HSPA4: variants seen among roughly 807,000 people sequenced by gnomAD.
The protein encoded by HSPA4 is heat shock 70 kDa protein 4.
Under a neutral mutation model 106.2 loss-of-function variants are expected in HSPA4, and 25 were observed. The ratio of observed to expected loss-of-function variants is 0.24; its 90% CI spans 0.17 to 0.33. HSPA4 has a LOEUF of 0.33. HSPA4 is among the 10% of genes least tolerant of loss of function. The pLI is 1.00. For synonymous variants in HSPA4, 332 were observed against 333.6 expected (o/e 1.00, Z 0.05); for missense variants, 841 against 996.0 (o/e 0.84, Z 2.10).
chr5:133,075,884 A>G (rs73264425), intron 6 of HSPA4, among the ~76,000 whole-genome samples: 3,455 of 152,296 alleles, frequency 0.023, 131 homozygotes, highest in African/African-American at 0.075. Context: ...CATTCTTAAC[A>G]GCTTGATGTA....
chr5:133,086,348 T>C (rs973406931), intron 7 of HSPA4, among the ~76,000 whole-genome samples: 4 of 152,254 alleles, frequency 2.6e-5, no homozygotes, highest in Non-Finnish European at 5.9e-5. Flanking sequence ...CACATAAATT[T>C]TTGTTCTTGT....
intron 15 of HSPA4, among the ~76,000 whole-genome samples, chr5:133,097,541 TTTC>T (rs939996973): frequency 6.5e-5 from 9 of 139,086 alleles, no homozygotes; most frequent in African/African-American, 2.7e-4. Context: ...GTATCTTTCT[TTTC>T]TTTTCTTTTT....
rs1225749943 is a variant in HSPA4 at position 133,097,062 on chromosome 5, A to G, written c.1804-99A>G. The G allele has an allele frequency of 3.2e-6, 3 of 935,742 alleles. No homozygotes were observed. In the African/African-American group the frequency reaches 5.0e-5, roughly 15 times the overall value. 58.0% of individuals were successfully genotyped at this position (935,742 alleles called of 1,614,324 possible). On this transcript the variant is annotated intron_variant, in intron 14 of 18. Transcript: ENST00000304858. ...TTATGTGACTTGCAGAACTAAAAGG[A>G]TTTGGGGAAGAAAGAGTCTCTACTT...
chr5:133,070,220 G>A (rs1016960267), intron 3 of HSPA4, among the ~76,000 whole-genome samples, 154 bp from the exon 4 acceptor site: 2 of 149,590 alleles, frequency 1.3e-5, no homozygotes, highest in African/African-American at 4.9e-5. Flanking sequence ...GACCTTCAAG[G>A]TATTACTTCG....
chr5:133,070,181 T>A (rs1420105588), intron 3 of HSPA4, among the ~76,000 whole-genome samples, 193 bp from the exon 4 acceptor site: 3 of 149,034 alleles, frequency 2.0e-5, no homozygotes, highest in African/African-American at 7.4e-5. Context: ...TCCAAAATAA[T>A]AATAATAATA....
chr5:133,066,607 A>G (rs1005064523), intron 2 of HSPA4, among the ~76,000 whole-genome samples: 2 of 152,066 alleles, frequency 1.3e-5, no homozygotes, highest in African/African-American at 4.8e-5. Context: ...GGCTGTTTCT[A>G]GGCGTCTGCT....
chr5:133,091,455 G>A, intron 12 of HSPA4, 81 bp downstream of exon 12: 1 of 1,073,400 alleles, frequency 9.3e-7, no homozygotes. Context: ...TTGGTGGCAA[G>A]GCCGGAGCAT....
intron 1 of HSPA4, among the ~76,000 whole-genome samples, chr5:133,057,252 G>T (rs569992525): frequency 1.3e-5 from 2 of 152,008 alleles, no homozygotes; most frequent in African/African-American, 4.8e-5. Context: ...AGTTGTATGT[G>T]ATAGTCTAAT....
chr5:133,092,748 C>T lies in HSPA4; in HGVS notation c.1609C>T (p.Gln537Ter). 1 of 1,609,394 alleles carries T rather than the reference C, an allele frequency of 6.2e-7. No homozygotes were observed. Among genetic ancestry groups the T allele is most frequent in the Non-Finnish European group, 8.5e-7 (1 of 1,178,782 alleles). Reference sequence around the variant, plus strand: ...ACCACATGTTGAAGAGCAACAGCAGCAGACACCAGCAGAAAATAAGGCAGA... The same window carrying T: ...ACCACATGTTGAAGAGCAACAGCAGTAGACACCAGCAGAAAATAAGGCAGA... Reference protein sequence around the residue: ...EEPHVEEQQQQTPAENKAESE... With the variant: ...EEPHVEEQQQ The change falls in exon 13 of 19, where the codon CAG becomes TAG. Residue 537 changes from glutamine to a stop codon, truncating the protein, a stop_gained. Coordinates refer to ENST00000304858, the MANE Select transcript of HSPA4 (RefSeq NM_002154.4). LOFTEE classifies it high-confidence loss of function.
chr5:133,093,775 G>A (rs994826906), intron 13 of HSPA4, among the ~76,000 whole-genome samples: 10 of 152,216 alleles, frequency 6.6e-5, no homozygotes, highest in Admixed American at 3.3e-4. Context: ...GAGCCACTGC[G>A]CCCAGCCAAA....
chr5:133,103,549 C>G (rs189618314), intron 17 of HSPA4, among the ~76,000 whole-genome samples: 10 of 152,228 alleles, frequency 6.6e-5, no homozygotes, highest in African/African-American at 2.4e-4. Context: ...GCTCTCATAT[C>G]TAATGTAATT....
chr5:133,098,684 T>G (rs1024572359), intron 15 of HSPA4, among the ~76,000 whole-genome samples: 2 of 151,628 alleles, frequency 1.3e-5, no homozygotes, highest in Admixed American at 6.6e-5. Flanking sequence ...ATTTTTTTAT[T>G]TTTTTGAGAT....
At chr5:133,068,821 A>G (rs1205678063) in intron 3 of HSPA4, among the ~76,000 whole-genome samples, 2 of 152,230 alleles carry the variant, frequency 1.3e-5, no homozygotes, top group Non-Finnish European at 2.9e-5. Flanking sequence ...TGCAAGAAGC[A>G]AAGGAGAAAA....
At chr5:133,103,821 G>A in intron 17 of HSPA4, 44 bp from the exon 18 acceptor site, 1 of 1,532,030 alleles carries the variant, frequency 6.5e-7, no homozygotes, top group Non-Finnish European at 8.9e-7. Flanking sequence ...GGGGAGGGAG[G>A]GTATCACACT....
In HSPA4 at chr5:133,089,690, C is replaced by T; in HGVS notation, c.1373C>T (p.Ala458Val). ...CAGGATTTGCCCTATCCAGATCCTG[C>T]TATAGGTAAGTAAAGAGTTGGAAAT... is the stretch of plus-strand genomic sequence containing the variant. Reference protein sequence around the residue: ...SPQDLPYPDPAIAQFSVQKVT... With the variant: ...SPQDLPYPDPVIAQFSVQKVT... The change falls in exon 11 of 19, where the codon GCT (alanine) becomes GTT (valine). Residue 458 changes from alanine to valine, a missense_variant. By Grantham distance (64) the Ala-to-Val change is moderately conservative. This residue lies in a region of HSPA4 where 162 missense variants were observed against 177.7 expected (regional missense o/e 0.91). Transcript: ENST00000304858. 6.4e-7 allele frequency: 1 copy of T among 1,559,954 alleles called. No homozygotes were observed. Among genetic ancestry groups the T allele is most frequent in the Non-Finnish European group, 8.7e-7 (1 of 1,154,212 alleles).
At chr5:133,099,290 C>T (rs557451276) in intron 15 of HSPA4, among the ~76,000 whole-genome samples, 7 of 151,750 alleles carry the variant, frequency 4.6e-5, no homozygotes, top group South Asian at 2.1e-4. Context: ...CCATCACGCC[C>T]GGGTAATTTT....
chr5:133,103,638 T>G (rs185766888), intron 17 of HSPA4, among the ~76,000 whole-genome samples: 4 of 152,356 alleles, frequency 2.6e-5, no homozygotes, highest in Admixed American at 2.0e-4. Flanking sequence ...GCCTTTTAAT[T>G]GATACCTTAT....
intron 7 of HSPA4, among the ~76,000 whole-genome samples, chr5:133,084,410 A>G (rs964173273): frequency 6.6e-6 from 1 of 152,080 alleles, no homozygotes; most frequent in Admixed American, 6.6e-5. Context: ...TACACATCTC[A>G]CCAGTATTGA....
chr5:133,095,428 AGT>A (rs1348204023), intron 13 of HSPA4, among the ~76,000 whole-genome samples: 1 of 152,228 alleles, frequency 6.6e-6, no homozygotes, highest in East Asian at 1.9e-4. Flanking sequence ...ATGGCTTGTA[AGT>A]GTCTGAAAAA....
Sources: allele counts gnomAD v4.1 joint callset (sites outside exome capture counted in the v4.1 genomes callset), GRCh38; gene constraint gnomAD v4.1.1; regional missense constraint gnomAD v4.1.1; transcripts MANE v1.5; gene names NCBI Gene and HGNC (gene_info 2026-07-23, HGNC 2026-07-21).